The following ZAN variants were observed in gnomAD, a reference collection of about 807,000 sequenced individuals.
The protein encoded by ZAN is zonadhesin (gene/pseudogene).
Under a neutral mutation model 286.2 loss-of-function variants are expected in ZAN, and 260 were observed. The observed-to-expected ratio is 0.91, with a 90% CI of 0.82 to 1.01. ZAN has a LOEUF of 1.01. ZAN is among the 50% of genes least tolerant of loss of function. The pLI is 0.00. For missense variants in ZAN, 3,410 were observed against 3,639.2 expected (o/e 0.94, Z 1.62); for synonymous variants, 1,368 against 1,417.5 (o/e 0.97, Z 0.79).
At position 100,785,977 on chromosome 7, in the gene ZAN, T is replaced by A. The variant is rs1811537731; in HGVS notation, c.6835-20T>A. ...CCCAGCCCCCTCCTCACTCTCTTTCTCTTCCTGTAACTTCTACAGCTGGGC... is the reference window on the plus strand; with the variant it reads ...CCCAGCCCCCTCCTCACTCTCTTTCACTTCCTGTAACTTCTACAGCTGGGC... On this transcript the variant is annotated intron_variant, in intron 36 of 47. Coordinates refer to ENST00000613979, the MANE Select transcript of ZAN (RefSeq NM_003386.3). The A allele has an allele frequency of 6.2e-7, 1 of 1,608,448 alleles. No homozygotes were observed. Among genetic ancestry groups the A allele is most frequent in the African/African-American group, 1.3e-5 (1 of 74,854 alleles).
chr7:100,743,216 G>C (rs1158193658), intron 7 of ZAN, among the ~76,000 whole-genome samples: 1 of 151,740 alleles, frequency 6.6e-6, no homozygotes. Flanking sequence ...GTAGAGATGG[G>C]GTTTCACCAT....
Position 100,752,966 on chromosome 7 carries a change from AACTC to A in ZAN, c.2864_2867del (p.Leu955ProfsTer45), listed in dbSNP as rs1808872059. On this transcript the variant is annotated frameshift_variant, in exon 14 of 48. Coordinates refer to ENST00000613979, the MANE Select transcript of ZAN (RefSeq NM_003386.3). LOFTEE classifies it high-confidence loss of function. ...GAAAAACCCACCATCTCCCCAGAAAAACTCACCATCCCCACAGAAAAACCCACCA... is the reference window on the plus strand; with the variant it reads ...GAAAAACCCACCATCTCCCCAGAAAAACCATCCCCACAGAAAAACCCACCA... 6.2e-7 allele frequency: 1 copy of A among 1,607,912 alleles called. No individual in the cohort carries two copies. Among genetic ancestry groups the A allele is most frequent in the Non-Finnish European group, 8.5e-7 (1 of 1,177,658 alleles).
intron 36 of ZAN, among the ~76,000 whole-genome samples, chr7:100,785,566 T>G (rs1349736331): frequency 6.6e-6 from 1 of 152,064 alleles, no homozygotes; most frequent in Non-Finnish European, 1.5e-5. Flanking sequence ...AATGACACTG[T>G]GGCTGCCTCT....
At chr7:100,760,965 C>T (rs535227475) in intron 19 of ZAN, among the ~76,000 whole-genome samples, 23 of 152,186 alleles carry the variant, frequency 1.5e-4, no homozygotes, top group Admixed American at 3.3e-4. Context: ...GGTGCTATCT[C>T]GGCTCACTGC....
At chr7:100,772,340 G>C (rs1047567784) in intron 29 of ZAN, among the ~76,000 whole-genome samples, 9 of 149,896 alleles carry the variant, frequency 6.0e-5, no homozygotes, top group African/African-American at 2.2e-4. Context: ...TGAGGTGGGA[G>C]AATCGCTTGA....
chr7:100,783,447 T>C (rs1292812358), intron 35 of ZAN, among the ~76,000 whole-genome samples: 1 of 150,464 alleles, frequency 6.6e-6, no homozygotes, highest in Admixed American at 6.7e-5. Context: ...TAAAATACTT[T>C]TGGTGGCTGG....
chr7:100,765,485 C>T lies in ZAN; in HGVS notation c.4401C>T (p.Val1467=). Residue 1467 remains valine (V), a synonymous_variant, in exon 23 of 48, where the codon GTC becomes GTT. Transcript: ENST00000613979. The stretch of plus-strand genomic sequence containing the variant: ...CCTGTGAATGCAATCCGGGCTTCGT[C>T]CTCAGTGGCCTCGAGTGCATACCTC... The part of the protein sequence containing the change: ...VEACECNPGF[V]LSGLECIPRS... The T allele has an allele frequency of 1.9e-6, 3 of 1,612,910 alleles. No homozygotes were observed. Among genetic ancestry groups the T allele is most frequent in the Non-Finnish European group, 2.5e-6 (3 of 1,179,506 alleles).
chr7:100,795,048 C>A, intron 44 of ZAN, 148 bp from the exon 45 acceptor site: 2 of 938,226 alleles, frequency 2.1e-6, no homozygotes, highest in Non-Finnish European at 3.0e-6. Context: ...GCTAGTGAGG[C>A]AGGGTTGGGA....
intron 36 of ZAN, among the ~76,000 whole-genome samples, chr7:100,785,369 T>C (rs952673145): frequency 6.6e-6 from 1 of 151,820 alleles, no homozygotes; most frequent in Admixed American, 6.6e-5. Flanking sequence ...TAGCTGGGAT[T>C]ACAGGCAAGC....
intron 8 of ZAN, 114 bp from the exon 9 acceptor site, chr7:100,747,436 T>A (rs2115752360): frequency 2.6e-6 from 2 of 774,950 alleles, no homozygotes; most frequent in East Asian, 5.0e-5. Flanking sequence ...GTGCTTTCAT[T>A]TGGTGGTAAT....
chr7:100,779,968 G>A (rs1326883553), intron 35 of ZAN, among the ~76,000 whole-genome samples: 1 of 152,188 alleles, frequency 6.6e-6, no homozygotes, highest in East Asian at 1.9e-4. Flanking sequence ...GCCAAGGTGG[G>A]TGGATCACCT....
rs753098514 is a variant in ZAN at position 100,781,666 on chromosome 7, T to TG, written c.6622+1916_6622+1917insG. Among the ~76,000 whole-genome samples, 177 of 151,468 alleles carry TG rather than the reference T, an allele frequency of 1.2e-3. 1 individual carries two copies. The highest frequency in any genetic ancestry group is 1.7e-3 in the Non-Finnish European group (115 of 67,790). On this transcript the variant is annotated intron_variant, in intron 35 of 47. Coordinates refer to ENST00000613979, the MANE Select transcript of ZAN (RefSeq NM_003386.3). ...ACATTGCTATACTTTTTTTTTTTTT[T>TG]TTTTGAGTCTCACTTTGTAGCTCAG...
rs775710894 is a variant in ZAN, at chr7:100,797,777, T to C, written c.*45T>C. On this transcript the variant is annotated 3_prime_UTR_variant, in exon 48 of 48. Coordinates refer to ENST00000613979, the MANE Select transcript of ZAN (RefSeq NM_003386.3). ...TCTTCAGACAAGAAGATTAAATAAA[T>C]TTATATATTTATTTATTTGAGACAG... is the stretch of plus-strand genomic sequence containing the variant. 1.3e-6 allele frequency: 2 copies of C among 1,590,488 alleles called. No homozygotes were observed. The highest frequency in any genetic ancestry group is 1.7e-6 in the Non-Finnish European group (2 of 1,167,938).
intron 11 of ZAN, 39 bp from the exon 12 acceptor site, chr7:100,750,586 G>A (rs1410614160): frequency 1.2e-6 from 2 of 1,606,638 alleles, no homozygotes; most frequent in Non-Finnish European, 1.7e-6. Context: ...CATGTCCTGT[G>A]CAGGCTTCTT....
intron 11 of ZAN, among the ~76,000 whole-genome samples, chr7:100,749,528 T>C (rs184313791): frequency 0.017 from 2,545 of 150,862 alleles, 24 homozygotes; most frequent in Middle Eastern, 0.038. Flanking sequence ...TAGTCCCAGC[T>C]ACTCGGGAGG....
At chr7:100,776,760 C>T (rs1365770999) in intron 34 of ZAN, among the ~76,000 whole-genome samples, 196 bp downstream of exon 34, 1 of 101,008 alleles carries the variant, frequency 9.9e-6, no homozygotes, top group African/African-American at 3.6e-5. Context: ...GAGTCTTGCT[C>T]TGTCGCCCAG....
In ZAN at chr7:100,751,235, T is replaced by G; in HGVS notation, c.1575T>G (p.Gly525=). Residue 525 remains glycine (G), a synonymous_variant, in exon 13 of 48, where the codon GGT becomes GGG. Coordinates refer to ENST00000613979, the MANE Select transcript of ZAN (RefSeq NM_003386.3). The stretch of plus-strand genomic sequence containing the variant: ...ACACGGCCTCTGTGGTTGCTATGGG[T>G]TTCATCTTGATCAATCCTGGGACTT... The part of the protein sequence containing the change: ...GSNTASVVAM[G]FILINPGTCP... The G allele has an allele frequency of 6.2e-7, 1 of 1,609,072 alleles. No homozygotes were observed. Among genetic ancestry groups the G allele is most frequent in the Non-Finnish European group, 8.5e-7 (1 of 1,178,020 alleles).
At position 100,755,398 on chromosome 7, in the gene ZAN, C is replaced by T. The variant is rs780897224; in HGVS notation, c.3297C>T (p.Asn1099=). 22 of 1,613,416 alleles carry T rather than the reference C, an allele frequency of 1.4e-5. No homozygotes were observed. Among genetic ancestry groups the T allele is most frequent in the Middle Eastern group, 1.6e-4 (1 of 6,070 alleles). ...QASSCNCFYN[N]DYYEPGAEWF... is the part of the protein sequence containing the mutation. ...CTTCCTGCAATTGCTTCTACAACAA[C>T]GACTACTATGAGGTAAGCCCCCCGG... Residue 1099 remains asparagine, a synonymous_variant, in exon 15 of 48, where the codon AAC becomes AAT. Coordinates refer to ENST00000613979, the MANE Select transcript of ZAN (RefSeq NM_003386.3).
At chr7:100,776,151 T>TA (rs1326089083) in intron 33 of ZAN, among the ~76,000 whole-genome samples, 19 of 151,342 alleles carry the variant, frequency 1.3e-4, no homozygotes, top group Non-Finnish European at 2.5e-4. Flanking sequence ...CCGTCTCTAT[T>TA]AAAAATAAAA....
Sources: allele counts gnomAD v4.1 joint callset (sites outside exome capture counted in the v4.1 genomes callset), GRCh38; gene constraint gnomAD v4.1.1; transcripts MANE v1.5; gene names NCBI Gene and HGNC (gene_info 2026-07-23, HGNC 2026-07-21).